Variants in ZNF385B observed in about 807,000 individuals in gnomAD.
ZNF385B encodes zinc finger protein 385B.
In ZNF385B, 23 loss-of-function variants were observed where a neutral mutation model predicts 39.2. The observed-to-expected ratio is 0.59, with a 90% CI of 0.42 to 0.83. The LOEUF is 0.83. Among genes scored for constraint, ZNF385B ranks in the 40% least tolerant of loss-of-function variants. The probability of loss-of-function intolerance (pLI) is 0.00; values close to 1 mark genes in which losing one functional copy is unlikely to be tolerated. For missense variants in ZNF385B, 552 were observed against 598.9 expected (o/e 0.92, Z 0.82); for synonymous variants, 205 against 222.6 (o/e 0.92, Z 0.70).
intron 3 of ZNF385B, among the ~76,000 whole-genome samples, chr2:179,689,488 C>T (rs1698178281): frequency 1.3e-5 from 2 of 151,944 alleles, no homozygotes; most frequent in Admixed American, 6.6e-5. Flanking sequence ...CATGGAGGGA[C>T]AACTGCAGGA....
intron 3 of ZNF385B, among the ~76,000 whole-genome samples, chr2:179,707,238 G>A (rs904778245): frequency 6.6e-6 from 1 of 152,228 alleles, no homozygotes; most frequent in Non-Finnish European, 1.5e-5. Flanking sequence ...AGGGAAGAGA[G>A]TCTATTGTGG....
intron 3 of ZNF385B, among the ~76,000 whole-genome samples, chr2:179,711,539 T>C (rs1699996779): frequency 6.6e-6 from 1 of 152,120 alleles, no homozygotes. Flanking sequence ...AATGACTCCA[T>C]GGTATAAAAA....
intron 4 of ZNF385B, among the ~76,000 whole-genome samples, chr2:179,519,511 A>G (rs992241732): frequency 3.3e-5 from 5 of 152,192 alleles, no homozygotes; most frequent in Non-Finnish European, 7.3e-5. Flanking sequence ...ATATATATTC[A>G]GAGAAATATA....
intron 3 of ZNF385B, among the ~76,000 whole-genome samples, chr2:179,565,928 T>C (rs1332907649): frequency 3.9e-5 from 6 of 152,198 alleles, no homozygotes; most frequent in Non-Finnish European, 8.8e-5. Context: ...CTTAAGAATG[T>C]TGATTGTGTA....
At chr2:179,837,184 A>C (rs1239936799) in intron 1 of ZNF385B, among the ~76,000 whole-genome samples, 1 of 152,208 alleles carries the variant, frequency 6.6e-6, no homozygotes, top group Non-Finnish European at 1.5e-5. Flanking sequence ...TAAAGCAGGG[A>C]TTTTCAAGCT....
chr2:179,511,966 A>T (rs1441714321), intron 5 of ZNF385B, among the ~76,000 whole-genome samples: 1 of 152,216 alleles, frequency 6.6e-6, no homozygotes, highest in Non-Finnish European at 1.5e-5. Flanking sequence ...TTATTATGTT[A>T]TTCAAAGATA....
chr2:179,770,258 C>T (rs1575459269), intron 2 of ZNF385B, among the ~76,000 whole-genome samples: 2 of 152,152 alleles, frequency 1.3e-5, no homozygotes, highest in African/African-American at 4.8e-5. Context: ...GTCTGTCTCC[C>T]CATTACAGTA....
chr2:179,727,482 T>C (rs942661538), intron 3 of ZNF385B, among the ~76,000 whole-genome samples: 6 of 152,094 alleles, frequency 3.9e-5, no homozygotes, highest in African/African-American at 1.4e-4. Flanking sequence ...TTGCTACAGC[T>C]ATAAATGGCT....
chr2:179,787,037 T>C (rs894142653), intron 1 of ZNF385B, among the ~76,000 whole-genome samples: 7 of 152,180 alleles, frequency 4.6e-5, no homozygotes. Context: ...CCATGTATTA[T>C]AGCTTTTATT....
rs770499078 is a variant in ZNF385B at position 179,774,235 on chromosome 2, T to C, written c.-154-3563A>G. On this transcript the variant is annotated intron_variant, in intron 1 of 9. Transcript: ENST00000410066. ...TGGGATGTACGGGGAGTGTAGGGGATATGTGGGTATAGTGGAGGGTGTGTG... is the reference window on the plus strand; with the variant it reads ...TGGGATGTACGGGGAGTGTAGGGGACATGTGGGTATAGTGGAGGGTGTGTG... 2.0e-5 allele frequency among the ~76,000 whole-genome samples: 3 copies of C among 151,218 alleles called. No homozygotes were observed. In the East Asian group the frequency reaches 5.8e-4, roughly 29 times the overall value.
intron 3 of ZNF385B, among the ~76,000 whole-genome samples, chr2:179,548,334 T>TATAACTTTC (rs1356758769): frequency 1.3e-5 from 2 of 149,716 alleles, no homozygotes; most frequent in Admixed American, 6.6e-5. Context: ...TTCTTTAGTG[T>TATAACTTTC]ATAACTTTCA....
rs2049022583 is a variant in ZNF385B at position 179,442,045 on chromosome 2, T to C, written c.*1205A>G. 1 of 152,648 alleles carries C rather than the reference T, an allele frequency of 6.6e-6. No homozygotes were observed. Among genetic ancestry groups the C allele is most frequent in the African/African-American group, 2.4e-5 (1 of 41,456 alleles). 9.5% of individuals were successfully genotyped at this position (152,648 alleles called of 1,614,324 possible). On this transcript the variant is annotated 3_prime_UTR_variant, in exon 10 of 10. Coordinates refer to ENST00000410066, the MANE Select transcript of ZNF385B (RefSeq NM_152520.6). The stretch of plus-strand genomic sequence containing the variant: ...AAAAATACACAGACATTTTACCATT[T>C]ACAGGTTGCAGATATAGATGCTCTA...
intron 1 of ZNF385B, among the ~76,000 whole-genome samples, chr2:179,812,613 T>C (rs1706807493): frequency 6.6e-6 from 1 of 152,042 alleles, no homozygotes; most frequent in East Asian, 1.9e-4. Flanking sequence ...GAAATAAAGA[T>C]GGCAACAATA....
rs1708256906 is a variant in ZNF385B, at chr2:179,836,514, T to TTTTTTTC, written c.-155+24586_-155+24587insGAAAAAA. ...TCTGAATCAAGGTTCTTGCGTTTTC[T>TTTTTTTC]TTTTTTTTTTTTTTTGAGACGGAGT... On this transcript the variant is annotated intron_variant, in intron 1 of 9. Coordinates refer to ENST00000410066, the MANE Select transcript of ZNF385B (RefSeq NM_152520.6). Among the ~76,000 whole-genome samples, 4 of 54,278 alleles carry TTTTTTTC rather than the reference T, an allele frequency of 7.4e-5. No individual in the cohort carries two copies. In the Admixed American group the frequency reaches 9.7e-4, roughly 13 times the overall value. The allele number at this position is 54,278 out of a possible 152,430, so 35.6% of individuals were successfully genotyped here.
intron 3 of ZNF385B, among the ~76,000 whole-genome samples, chr2:179,705,496 C>G (rs1326850838): frequency 6.6e-5 from 10 of 152,136 alleles, no homozygotes; most frequent in Admixed American, 6.6e-4. Flanking sequence ...ACTCTCAGGT[C>G]CTTTATTGAA....
chr2:179,444,283 C>T (rs1433308952), intron 9 of ZNF385B, among the ~76,000 whole-genome samples: 1 of 152,140 alleles, frequency 6.6e-6, no homozygotes, highest in Non-Finnish European at 1.5e-5. Context: ...GGCCCAGTCC[C>T]AGGGAGATTG....
At chr2:179,651,421 A>C (rs181317198) in intron 3 of ZNF385B, among the ~76,000 whole-genome samples, 27 of 152,288 alleles carry the variant, frequency 1.8e-4, no homozygotes, top group African/African-American at 6.0e-4. Flanking sequence ...TCACTTTTTT[A>C]GATTAATAAT....
In ZNF385B at chr2:179,641,585, C is replaced by G. The variant is rs1368231902; in HGVS notation, c.299-96616G>C. On this transcript the variant is annotated intron_variant, in intron 3 of 9. Transcript: ENST00000410066. Reference sequence around the variant, plus strand: ...AAATATAAAATATAATTTAGATTTTCTCCCCTAAAAGCATTATGTTTCACA... The same window carrying G: ...AAATATAAAATATAATTTAGATTTTGTCCCCTAAAAGCATTATGTTTCACA... Among the ~76,000 whole-genome samples the G allele has an allele frequency of 2.0e-5, 3 of 152,000 alleles. No homozygotes were observed. The East Asian group carries it at 5.8e-4, about 29-fold the overall frequency.
intron 3 of ZNF385B, among the ~76,000 whole-genome samples, chr2:179,747,959 T>C (rs912487303): frequency 6.6e-6 from 1 of 152,152 alleles, no homozygotes; most frequent in African/African-American, 2.4e-5. Flanking sequence ...TTCCCATCAA[T>C]ATGAATTATA....
Sources: gnomAD v4.1 joint callset for allele counts (sites outside exome capture counted in the v4.1 genomes callset) on GRCh38, gnomAD v4.1.1 for gene constraint, MANE v1.5 for transcripts, NCBI Gene and HGNC (gene_info 2026-07-23, HGNC 2026-07-21) for gene names.